The following DLGAP1 variants were observed in gnomAD, a reference collection of about 807,000 sequenced individuals.
DLGAP1 encodes the protein disks large-associated protein 1.
A neutral mutation model predicts 90.8 loss-of-function variants in DLGAP1; 11 were observed. The ratio of observed to expected loss-of-function variants is 0.12; its 90% CI spans 0.08 to 0.20. The LOEUF is 0.20. DLGAP1 is among the 10% of genes least tolerant of loss of function. The pLI, the probability that DLGAP1 is intolerant of heterozygous loss-of-function variation, is 1.00. For missense variants in DLGAP1, 1,050 were observed against 1,333.8 expected, an observed-to-expected ratio of 0.79 and a Z score of 3.31; for synonymous variants, 558 against 540.7, an observed-to-expected ratio of 1.03 and a Z score of -0.44.
At chr18:4,078,317 AC>A (rs2075554383) in intron 2 of DLGAP1, among the ~76,000 whole-genome samples, 1 of 152,182 alleles carries the variant, frequency 6.6e-6, no homozygotes, top group African/African-American at 2.4e-5. Flanking sequence ...GACTCAGAAA[AC>A]CCTTGACACA....
chr18:4,363,566 A>G (rs1482887403), intron 1 of DLGAP1, among the ~76,000 whole-genome samples: 2 of 152,184 alleles, frequency 1.3e-5, no homozygotes, highest in East Asian at 3.9e-4. Flanking sequence ...CAAGAAAAAA[A>G]CAAACAACCC....
At chr18:3,713,380 G>GT (rs1252298845) in intron 7 of DLGAP1, among the ~76,000 whole-genome samples, 1 of 152,238 alleles carries the variant, frequency 6.6e-6, no homozygotes, top group Non-Finnish European at 1.5e-5. Flanking sequence ...GATGGATGGC[G>GT]TTGAAGGCCT....
At chr18:3,742,742 G>T (rs1040609553) in intron 5 of DLGAP1, among the ~76,000 whole-genome samples, 8 of 152,158 alleles carry the variant, frequency 5.3e-5, no homozygotes, top group African/African-American at 1.9e-4. Flanking sequence ...CTTCAACCAT[G>T]AACTAATTGC....
In DLGAP1 at chr18:3,787,601, C is replaced by T. The variant is rs149620327; in HGVS notation, c.1172+26458G>A. ...TATTATTTAACTAAGATGAGTCATA[C>T]GAAAGTAGTATTACCATGAGTACAA... On this transcript the variant is annotated intron_variant, in intron 5 of 12. Coordinates refer to ENST00000315677, the MANE Select transcript of DLGAP1 (RefSeq NM_004746.4). Among the ~76,000 whole-genome samples the T allele has an allele frequency of 4.8e-3, 727 of 150,146 alleles. 6 individuals carry two copies. The highest frequency in any genetic ancestry group is 0.015 in the African/African-American group (601 of 40,728).
chr18:3,922,960 C>T (rs1440483006), intron 3 of DLGAP1, among the ~76,000 whole-genome samples: 1 of 151,780 alleles, frequency 6.6e-6, no homozygotes, highest in East Asian at 1.9e-4. Flanking sequence ...TGGTAAAAAC[C>T]TCATCTCTAC....
chr18:3,528,376 T>C (rs911908450), intron 10 of DLGAP1, among the ~76,000 whole-genome samples: 1 of 152,190 alleles, frequency 6.6e-6, no homozygotes, highest in Non-Finnish European at 1.5e-5. Flanking sequence ...AGTCAGAGAA[T>C]TGGTGAAACA....
chr18:3,538,613 G>T (rs934402597), intron 9 of DLGAP1, among the ~76,000 whole-genome samples: 2 of 152,146 alleles, frequency 1.3e-5, no homozygotes, highest in Non-Finnish European at 2.9e-5. Flanking sequence ...TGTGTGAATT[G>T]GATGACTCTC....
At chr18:4,188,997 A>G (rs1257094157) in intron 1 of DLGAP1, among the ~76,000 whole-genome samples, 2 of 152,158 alleles carry the variant, frequency 1.3e-5, no homozygotes, top group African/African-American at 2.4e-5. Flanking sequence ...ATCATATTCA[A>G]AGTTCATCTG....
chr18:3,656,329 G>A (rs1353220403), intron 7 of DLGAP1: 6 of 469,276 alleles, frequency 1.3e-5, no homozygotes, highest in African/African-American at 1.2e-4. Flanking sequence ...ACCATTTGGG[G>A]AAATTTTTCA....
chr18:3,762,004 A>G (rs1249108335), intron 5 of DLGAP1, among the ~76,000 whole-genome samples: 1 of 152,190 alleles, frequency 6.6e-6, no homozygotes, highest in Admixed American at 6.5e-5. Flanking sequence ...AACACAATAA[A>G]AACAAACCAT....
intron 7 of DLGAP1, among the ~76,000 whole-genome samples, chr18:3,728,300 T>TTATATATATATATA (rs200480157): frequency 2.7e-4 from 33 of 123,632 alleles, no homozygotes; most frequent in African/African-American, 8.0e-4. Context: ...AACGCAAATG[T>TTATATATATATATA]TATATATATA....
At chr18:4,199,544 A>G (rs1233780679) in intron 1 of DLGAP1, among the ~76,000 whole-genome samples, 1 of 152,196 alleles carries the variant, frequency 6.6e-6, no homozygotes, top group African/African-American at 2.4e-5. Flanking sequence ...CCATGTTAAT[A>G]TCTTCTGGCA....
intron 9 of DLGAP1, among the ~76,000 whole-genome samples, chr18:3,535,072 CTGTGTG>C (rs111975324): frequency 0.17 from 25,209 of 144,602 alleles, 2,196 homozygotes; most frequent in Non-Finnish European, 0.2. Flanking sequence ...TCAATCTTCT[CTGTGTG>C]TGTGTGTGTG....
intron 7 of DLGAP1, among the ~76,000 whole-genome samples, chr18:3,706,593 T>C (rs956093200): frequency 3.3e-5 from 5 of 152,204 alleles, no homozygotes; most frequent in Non-Finnish European, 7.3e-5. Context: ...GAAAACGTAA[T>C]GTTAGTCTGC....
intron 6 of DLGAP1, among the ~76,000 whole-genome samples, chr18:3,734,237 TTCTCTC>T (rs1164029190): frequency 6.6e-6 from 1 of 151,924 alleles, no homozygotes; most frequent in Non-Finnish European, 1.5e-5. Flanking sequence ...TTCATTTGTG[TTCTCTC>T]TCTCTCTTTC....
At chr18:3,538,322 G>C (rs2052495482) in intron 9 of DLGAP1, among the ~76,000 whole-genome samples, 1 of 148,922 alleles carries the variant, frequency 6.7e-6, no homozygotes, top group Non-Finnish European at 1.5e-5. Context: ...AATCAATTCT[G>C]ATGAAGTTAT....
At position 4,271,613 on chromosome 18, in the gene DLGAP1, A is replaced by G. The variant is rs146128552; in HGVS notation, c.-266-120326T>C. Among the ~76,000 whole-genome samples, 525 of 152,344 alleles carry G rather than the reference A, an allele frequency of 3.4e-3. 3 individuals carry two copies. The highest frequency in any genetic ancestry group is 0.012 in the African/African-American group (515 of 41,584). ...AATCTTTTCTTGATGGTTCAATATT[A>G]TCATTGTAGACACCTGTAGTTGTAT... is the stretch of plus-strand genomic sequence containing the variant. On this transcript the variant is annotated intron_variant, in intron 1 of 12. Transcript: ENST00000315677.
chr18:3,664,899 ATTCTT>A (rs1022773929), intron 7 of DLGAP1, among the ~76,000 whole-genome samples: 2 of 152,228 alleles, frequency 1.3e-5, no homozygotes, highest in African/African-American at 4.8e-5. Flanking sequence ...CCATGTCAAT[ATTCTT>A]TTCTTTGCAC....
intron 1 of DLGAP1, among the ~76,000 whole-genome samples, chr18:4,339,346 G>T (rs1347411702): frequency 6.6e-6 from 1 of 152,152 alleles, no homozygotes; most frequent in South Asian, 2.1e-4. Context: ...CAGAGGGAGA[G>T]CATCAAGACA....
Sources: gnomAD v4.1 joint callset for allele counts (sites outside exome capture counted in the v4.1 genomes callset) on GRCh38, gnomAD v4.1.1 for gene constraint, MANE v1.5 for transcripts, NCBI Gene and HGNC (gene_info 2026-07-23, HGNC 2026-07-21) for gene names.